The following NR2C2 variants were observed in gnomAD, a reference collection of about 807,000 sequenced individuals.
The protein encoded by NR2C2 is Nuclear hormone receptor TR4.
A neutral mutation model predicts 62.9 loss-of-function variants in NR2C2; 6 were observed. The ratio of observed to expected loss-of-function variants is 0.10; its 90% CI spans 0.05 to 0.19. NR2C2 has a LOEUF of 0.19. Among genes scored for constraint, NR2C2 ranks in the 10% least tolerant of loss-of-function variants. The pLI, the probability that NR2C2 is intolerant of heterozygous loss-of-function variation, is 1.00. For synonymous variants in NR2C2, 272 were observed against 273.8 expected, an observed-to-expected ratio of 0.99 and a Z score of 0.07; for missense variants, 479 against 762.7, an observed-to-expected ratio of 0.63 and a Z score of 4.38.
intron 1 of NR2C2, among the ~76,000 whole-genome samples, chr3:14,985,373 T>C (rs1230775742): frequency 6.6e-6 from 1 of 152,160 alleles, no homozygotes; most frequent in Non-Finnish European, 1.5e-5. Flanking sequence ...ATTTTTCTCC[T>C]GTGTTTTCAC....
At chr3:14,965,158 A>G (rs1230848223) in intron 1 of NR2C2, among the ~76,000 whole-genome samples, 1 of 152,146 alleles carries the variant, frequency 6.6e-6, no homozygotes, top group Non-Finnish European at 1.5e-5. Flanking sequence ...TCTCATCAAC[A>G]TTATAACAAA....
chr3:14,980,947 C>T (rs553414408), intron 1 of NR2C2, among the ~76,000 whole-genome samples: 1 of 152,340 alleles, frequency 6.6e-6, no homozygotes, highest in African/African-American at 2.4e-5. Flanking sequence ...CATTCTGTGG[C>T]TGTTACTTAG....
rs1463612813 is a variant in NR2C2, at chr3:15,046,301, A to C, written c.*3293A>C. ...TTTAGCTTGTCATTGTCAGTATTGA[A>C]TGTGGACTCTTCTGAGGCAGTTAGG... On this transcript the variant is annotated 3_prime_UTR_variant, in exon 14 of 14. Transcript: ENST00000425241. 1 of 152,228 alleles carries C rather than the reference A, an allele frequency of 6.6e-6. No homozygotes were observed. Among genetic ancestry groups the C allele is most frequent in the African/African-American group, 2.4e-5 (1 of 41,462 alleles). 9.4% of individuals were successfully genotyped at this position (152,228 alleles called of 1,614,324 possible).
intron 9 of NR2C2, among the ~76,000 whole-genome samples, chr3:15,031,222 A>G (rs1030749911): frequency 6.6e-6 from 1 of 152,180 alleles, no homozygotes; most frequent in Non-Finnish European, 1.5e-5. Flanking sequence ...CAGAAAGTAG[A>G]TCCCTTGAAG....
At chr3:15,004,923 A>G (rs947953381) in intron 2 of NR2C2, among the ~76,000 whole-genome samples, 1 of 151,654 alleles carries the variant, frequency 6.6e-6, no homozygotes, top group Non-Finnish European at 1.5e-5. Context: ...CTTTCTTTTT[A>G]TTTATTTATT....
In NR2C2 at chr3:14,954,054, G is replaced by A. The variant is rs571841021; in HGVS notation, c.-40+6148G>A. On this transcript the variant is annotated intron_variant, in intron 1 of 13. Coordinates refer to ENST00000425241, the MANE Select transcript of NR2C2 (RefSeq NM_001291694.2). Reference sequence around the variant, plus strand: ...TGGATATGTCATTTGTACCACACTCGTTCTTGTCCCCTGTCCCACCACTAT... The same window carrying A: ...TGGATATGTCATTTGTACCACACTCATTCTTGTCCCCTGTCCCACCACTAT... Among the ~76,000 whole-genome samples the A allele has an allele frequency of 1.9e-4, 29 of 152,218 alleles. 1 individual carries two copies. In the East Asian group the frequency reaches 4.6e-3, roughly 24 times the overall value.
In NR2C2 at chr3:15,042,948, C is replaced by T. The variant is rs752379589; in HGVS notation, c.1731C>T (p.Pro577=). ...IGNVSIDSII[P]YILKMETAEY... ...ATGTTTCGATAGACAGCATAATCCC[C>T]TACATCCTCAAGATGGAGACAGCAG... The change falls in exon 14 of 14, where the codon CCC becomes CCT. Residue 577 remains proline (P), a synonymous_variant. Transcript: ENST00000425241. 2 of 1,614,190 alleles carry T rather than the reference C, an allele frequency of 1.2e-6. No homozygotes were observed. The highest frequency in any genetic ancestry group is 1.7e-6 in the Non-Finnish European group (2 of 1,180,032).
chr3:15,003,778 C>A, intron 1 of NR2C2, 98 bp from the exon 2 acceptor site: 1 of 714,618 alleles, frequency 1.4e-6, no homozygotes, highest in Non-Finnish European at 2.5e-6. Context: ...ACAAGTTCAT[C>A]ACTCCAGGCC....
At position 15,030,420 on chromosome 3, in the gene NR2C2, C is replaced by T. The variant is rs1159398349; in HGVS notation, c.1078C>T (p.Pro360Ser). 3 of 1,603,554 alleles carry T rather than the reference C, an allele frequency of 1.9e-6. No homozygotes were observed. Among genetic ancestry groups the T allele is most frequent in the Non-Finnish European group, 2.5e-6 (3 of 1,176,806 alleles). Residue 360 changes from proline (P) to serine (S), a missense_variant, in exon 9 of 14, where the codon CCC (proline) becomes TCC (serine). Physicochemically the swap from Pro to Ser is moderately conservative, Grantham distance 74 (BLOSUM62 -1). Coordinates refer to ENST00000425241, the MANE Select transcript of NR2C2 (RefSeq NM_001291694.2). ...QSTPIIEVEG[P>S]LLSDTHVTFK... ...GACACCCATCATTGAGGTTGAAGGC[C>T]CCCTCCTTTCAGACACACACGTCAC...
intron 1 of NR2C2, among the ~76,000 whole-genome samples, chr3:14,961,153 T>C (rs1400055583): frequency 6.6e-6 from 1 of 152,208 alleles, no homozygotes; most frequent in Admixed American, 6.5e-5. Flanking sequence ...GCCAGGTCTT[T>C]CATATTTGTC....
At chr3:14,953,994 A>G (rs1296055536) in intron 1 of NR2C2, among the ~76,000 whole-genome samples, 1 of 151,834 alleles carries the variant, frequency 6.6e-6, no homozygotes, top group Admixed American at 6.6e-5. Context: ...TTTGTTGTAT[A>G]GTGAATCTGA....
At position 15,045,616 on chromosome 3, in the gene NR2C2, T is replaced by G. The variant is rs1399515493; in HGVS notation, c.*2608T>G. 2 of 152,664 alleles carry G rather than the reference T, an allele frequency of 1.3e-5. No homozygotes were observed. Among genetic ancestry groups the G allele is most frequent in the East Asian group, 3.8e-4 (2 of 5,200 alleles). 9.5% of individuals were successfully genotyped at this position (152,664 alleles called of 1,614,324 possible). A position where few individuals can be genotyped will look rare whatever the true frequency, so the allele number is the denominator to read the frequency against. The stretch of plus-strand genomic sequence containing the variant: ...TGTATTCTTGCTGCTTTAACTCATT[T>G]CAAGCCTCTGACTGCAGGTCCATTT... On this transcript the variant is annotated 3_prime_UTR_variant, in exon 14 of 14. Transcript: ENST00000425241.
At chr3:15,032,623 C>CT (rs1684271996) in intron 10 of NR2C2, 123 bp downstream of exon 10, 1 of 1,186,634 alleles carries the variant, frequency 8.4e-7, no homozygotes, top group African/African-American at 1.5e-5. Context: ...TCAAAGGACC[C>CT]TGAGTTTTTT....
At chr3:15,001,006 G>C (rs747756321) in intron 1 of NR2C2, among the ~76,000 whole-genome samples, 19 of 151,928 alleles carry the variant, frequency 1.3e-4, no homozygotes, top group Non-Finnish European at 2.5e-4. Flanking sequence ...AGTAGAGACA[G>C]GGTTTCACTG....
At chr3:15,014,070 G>T (rs992904024) in intron 3 of NR2C2, among the ~76,000 whole-genome samples, 1 of 152,180 alleles carries the variant, frequency 6.6e-6, no homozygotes, top group African/African-American at 2.4e-5. Context: ...GGCTACTGGA[G>T]AATTGTTCTT....
chr3:14,988,100 TAGAC>T (rs1249811171), intron 1 of NR2C2, among the ~76,000 whole-genome samples: 2 of 152,264 alleles, frequency 1.3e-5, no homozygotes, highest in Non-Finnish European at 2.9e-5. Flanking sequence ...GATGTATATA[TAGAC>T]AGACAGGTAA....
Position 15,048,284 on chromosome 3 carries a change from C to G in NR2C2, c.*5276C>G, listed in dbSNP as rs755362200. 6.6e-6 allele frequency: 1 copy of G among 152,560 alleles called. No homozygotes were observed. Among genetic ancestry groups the G allele is most frequent in the Non-Finnish European group, 1.5e-5 (1 of 68,034 alleles). The allele number at this position is 152,560 out of a possible 1,614,324, so 9.5% of individuals were successfully genotyped here. On this transcript the variant is annotated 3_prime_UTR_variant, in exon 14 of 14. Transcript: ENST00000425241. ...GCGACCTTTCCCCGTCATAGCCTGT[C>G]GTGACAATCACGCTATTGAAAGTGG...
At chr3:14,967,955 A>G (rs2039907746) in intron 1 of NR2C2, among the ~76,000 whole-genome samples, 1 of 152,156 alleles carries the variant, frequency 6.6e-6, no homozygotes, top group Non-Finnish European at 1.5e-5. Flanking sequence ...CTGAAACTGG[A>G]TCCCTTCCTT....
At position 15,029,369 on chromosome 3, in the gene NR2C2, A is replaced by G. The variant is rs190194529; in HGVS notation, c.932+650A>G. On this transcript the variant is annotated intron_variant, in intron 8 of 13. Transcript: ENST00000425241. Reference sequence around the variant, plus strand: ...ATGCCAGATGCCGATAACTGCTACTAAGGATGTTTCTTCTCTGCAGTTTGG... The same window carrying G: ...ATGCCAGATGCCGATAACTGCTACTGAGGATGTTTCTTCTCTGCAGTTTGG... 4.2e-3 allele frequency among the ~76,000 whole-genome samples: 642 copies of G among 152,068 alleles called. 4 individuals carry two copies. The highest frequency in any genetic ancestry group is 0.034 in the Middle Eastern group (10 of 294).
Sources: allele counts gnomAD v4.1 joint callset (sites outside exome capture counted in the v4.1 genomes callset), GRCh38; gene constraint gnomAD v4.1.1; transcripts MANE v1.5; gene names NCBI Gene and HGNC (gene_info 2026-07-23, HGNC 2026-07-21).